FCN2: variants seen among roughly 807,000 people sequenced by gnomAD.
The protein encoded by FCN2 is ficolin-2.
In FCN2, 31 loss-of-function variants were observed where a neutral mutation model predicts 32.5. That is an observed-to-expected ratio of 0.96 (90% confidence interval 0.72 to 1.29). The LOEUF is 1.29. Ranked by LOEUF, FCN2 falls within the 50% of genes most tolerant of loss-of-function variation. FCN2 has a pLI of 0.00. For missense variants in FCN2, 412 were observed against 406.5 expected, an observed-to-expected ratio of 1.01 and a Z score of -0.12; for synonymous variants, 181 against 164.5, an observed-to-expected ratio of 1.10 and a Z score of -0.77.
chr9:134,880,931 C>A lies in FCN2; in HGVS notation c.100+10C>A, dbSNP rs767599749. ...GCAGACACCTGTCCAGGTAAGGGCA[C>A]TCCAGGGCCTCCTCCTGGAAACTTC... On this transcript the variant is annotated intron_variant, in intron 1 of 7. Coordinates refer to ENST00000291744, the MANE Select transcript of FCN2 (RefSeq NM_004108.3). 2.5e-6 allele frequency: 4 copies of A among 1,595,980 alleles called. No homozygotes were observed. In the South Asian group the frequency reaches 4.5e-5, roughly 18 times the overall value.
intron 3 of FCN2, 108 bp downstream of exon 3, chr9:134,883,463 C>T: frequency 1.0e-6 from 1 of 993,472 alleles, no homozygotes. Flanking sequence ...TCGCCAGAGC[C>T]AACGCCTGCC....
chr9:134,882,746 C>T (rs1014729575), intron 2 of FCN2, 107 bp downstream of exon 2: 4 of 753,424 alleles, frequency 5.3e-6, no homozygotes, highest in Non-Finnish European at 8.8e-6. Context: ...CTGGGTCAGG[C>T]CCCTGCAAGA....
At chr9:134,880,002 C>T (rs72551118), upstream of FCN2, among the ~76,000 whole-genome samples, 3 of 152,232 alleles carry the variant, frequency 2.0e-5, no homozygotes, top group East Asian at 1.9e-4. Flanking sequence ...CTCCAAAAGG[C>T]GAACACAACC....
chr9:134,868,380 GC>G, the FCN2 span: 2 of 177,734 alleles, frequency 1.1e-5, no homozygotes, highest in Non-Finnish European at 2.4e-5. The surrounding 1 kb of genome is among the most constrained non-coding windows in gnomAD (Gnocchi z 4.3). Flanking sequence ...CCTCGGGGGG[GC>G]CCGTGACAGC....
Position 134,887,230 on chromosome 9 carries a change from A to C in FCN2, c.757A>C (p.Asn253His). 6.2e-7 allele frequency: 1 copy of C among 1,614,182 alleles called. No homozygotes were observed. Among genetic ancestry groups the C allele is most frequent in the Non-Finnish European group, 8.5e-7 (1 of 1,180,006 alleles). Reference sequence around the variant, plus strand: ...CACCAAAGACCAGGACAATGATCTTAACACCGGAAATTGTGCTGTGATGTT... The same window carrying C: ...CACCAAAGACCAGGACAATGATCTTCACACCGGAAATTGTGCTGTGATGTT... ...FSTKDQDNDL[N>H]TGNCAVMFQG... is the part of the protein sequence containing the mutation. The change falls in exon 8 of 8, where the codon AAC becomes CAC. Residue 253 changes from asparagine (N) to histidine (H), a missense_variant. Asn to His is a moderately conservative substitution (Grantham distance 68). Transcript: ENST00000291744.
At chr9:134,879,669 AG>A (rs1830636677), upstream of FCN2, among the ~76,000 whole-genome samples, 1 of 152,084 alleles carries the variant, frequency 6.6e-6, no homozygotes, top group South Asian at 2.1e-4. Flanking sequence ...ACGGAACCCG[AG>A]GGGGGTCTTA....
At chr9:134,871,319 G>T in the FCN2 span, among the ~76,000 whole-genome samples, 5 of 152,186 alleles carry the variant, frequency 3.3e-5, no homozygotes, top group African/African-American at 1.2e-4. Context: ...ACTGCATCCT[G>T]GTCTGGGGGC....
chr9:134,876,024 T>C (rs1161789958), upstream of FCN2, among the ~76,000 whole-genome samples: 1 of 152,248 alleles, frequency 6.6e-6, no homozygotes, highest in Non-Finnish European at 1.5e-5. Flanking sequence ...AATCTTTTTC[T>C]GTTTCTTTTG....
the FCN2 span, among the ~76,000 whole-genome samples, chr9:134,864,352 G>A: frequency 4.5e-4 from 68 of 152,308 alleles, no homozygotes; most frequent in Non-Finnish European, 4.7e-4. Context: ...TGGGCAGAGC[G>A]TCCCTGCCAG....
chr9:134,878,759 C>T (rs1045212987), upstream of FCN2, among the ~76,000 whole-genome samples: 1 of 152,110 alleles, frequency 6.6e-6, no homozygotes, highest in Non-Finnish European at 1.5e-5. Context: ...AGGAGAATCG[C>T]TTGAACCCAG....
intron 1 of FCN2, 67 bp from the exon 2 acceptor site, chr9:134,882,459 A>G: frequency 7.9e-7 from 1 of 1,269,200 alleles, no homozygotes. Flanking sequence ...GTTGAGTGGT[A>G]TATCTATGGC....
the FCN2 span, among the ~76,000 whole-genome samples, chr9:134,868,074 C>T: frequency 4.6e-5 from 7 of 152,308 alleles, no homozygotes; most frequent in South Asian, 1.5e-3. This position sits in a 1 kb window ranked among gnomAD's most constrained non-coding sequence, Gnocchi z 4.3. Context: ...ATGGGCCTCC[C>T]CTAGATCGGG....
chr9:134,883,427 G>T (rs1291969942), intron 3 of FCN2, 72 bp downstream of exon 3: 3 of 1,356,622 alleles, frequency 2.2e-6, no homozygotes, highest in African/African-American at 1.4e-5. Context: ...ACGTGAGGCG[G>T]GTCTTCTGGG....
At chr9:134,873,414 C>T in the FCN2 span, among the ~76,000 whole-genome samples, 1 of 152,194 alleles carries the variant, frequency 6.6e-6, no homozygotes, top group Non-Finnish European at 1.5e-5. Context: ...TGGCCCCTCC[C>T]TTCATCTGCA....
chr9:134,884,545 G>A (rs1830714534), intron 3 of FCN2, among the ~76,000 whole-genome samples, 195 bp from the exon 4 acceptor site: 1 of 152,240 alleles, frequency 6.6e-6, no homozygotes, highest in African/African-American at 2.4e-5. Flanking sequence ...GGTGCATGTG[G>A]TGGAGGGGCC....
upstream of FCN2, among the ~76,000 whole-genome samples, chr9:134,878,496 C>T (rs1240803808): frequency 2.6e-5 from 4 of 152,224 alleles, no homozygotes; most frequent in Non-Finnish European, 5.9e-5. Context: ...CTTTTCAGGT[C>T]TTCCTTTGCT....
rs369807019 is a variant in FCN2, at chr9:134,885,243, G to T, written c.306G>T (p.Pro102=). Reference sequence around the variant, plus strand: ...TTCCCCGGGTTCCCTTCCCAGGCCCGCGTACCTGCAAGGACCTGCTAGACC... The same window carrying T: ...TTCCCCGGGTTCCCTTCCCAGGCCCTCGTACCTGCAAGGACCTGCTAGACC... ...PGEPQPCLTG[P]RTCKDLLDRG... Residue 102 remains proline (P), a synonymous_variant, in exon 5 of 8, where the codon CCG becomes CCT. Transcript: ENST00000291744. 6.8e-6 allele frequency: 11 copies of T among 1,613,932 alleles called. No homozygotes were observed. In the African/African-American group the frequency reaches 1.3e-4, roughly 20 times the overall value.
At chr9:134,887,023 T>A in intron 7 of FCN2, 145 bp from the exon 8 acceptor site, 2 of 955,328 alleles carry the variant, frequency 2.1e-6, no homozygotes, top group Non-Finnish European at 3.4e-6. Flanking sequence ...ACTGGAGTCA[T>A]GGATTGCACT....
chr9:134,883,813 T>C (rs1830702857), intron 3 of FCN2, among the ~76,000 whole-genome samples: 1 of 123,182 alleles, frequency 8.1e-6, no homozygotes, highest in African/African-American at 3.1e-5. Flanking sequence ...GAGGTTCTGA[T>C]TATTCGGGGA....
Sources: gnomAD v4.1 joint callset for allele counts (sites outside exome capture counted in the v4.1 genomes callset) on GRCh38, gnomAD v4.1.1 for gene constraint, Gnocchi (gnomAD v3.1) non-coding constraint, MANE v1.5 for transcripts, NCBI Gene and HGNC (gene_info 2026-07-23, HGNC 2026-07-21) for gene names.